Variants in ZNF804B observed in about 807,000 individuals in gnomAD.
The protein encoded by ZNF804B is zinc finger protein 804B.
In ZNF804B, 80 loss-of-function variants were observed where a neutral mutation model predicts 101.4. The observed-to-expected ratio is 0.79, with a 90% CI of 0.66 to 0.95. The LOEUF is 0.95. ZNF804B is among the 40% of genes least tolerant of loss of function. The pLI is 0.00. For missense variants in ZNF804B, 1,673 were observed against 1,561.9 expected, an observed-to-expected ratio of 1.07 and a Z score of -1.20; for synonymous variants, 622 against 558.8, an observed-to-expected ratio of 1.11 and a Z score of -1.59.
intron 1 of ZNF804B, among the ~76,000 whole-genome samples, chr7:88,811,277 T>G (rs192274398): frequency 1.0e-3 from 158 of 152,248 alleles, no homozygotes; most frequent in African/African-American, 3.6e-3. Context: ...ATCACTGATC[T>G]TTAGAGAAAA....
chr7:89,136,777 G>A (rs1356321107), intron 1 of ZNF804B, among the ~76,000 whole-genome samples: 1 of 151,770 alleles, frequency 6.6e-6, no homozygotes, highest in Non-Finnish European at 1.5e-5. Flanking sequence ...GCGCACGTGT[G>A]TGATGATTTG....
At chr7:88,790,935 T>A (rs1790370966) in intron 1 of ZNF804B, among the ~76,000 whole-genome samples, 1 of 152,128 alleles carries the variant, frequency 6.6e-6, no homozygotes, top group South Asian at 2.1e-4. Context: ...TGAGTCCAAT[T>A]TAAAGACATT....
chr7:89,218,027 T>C, intron 1 of ZNF804B, 128 bp from the exon 2 acceptor site: 1 of 884,392 alleles, frequency 1.1e-6, no homozygotes, highest in Non-Finnish European at 1.7e-6. Context: ...TCTCACAGTG[T>C]CATGAATTCC....
intron 1 of ZNF804B, among the ~76,000 whole-genome samples, chr7:89,070,791 C>T (rs998244841): frequency 2.0e-5 from 3 of 151,882 alleles, no homozygotes; most frequent in Admixed American, 6.6e-5. Flanking sequence ...TTTTTTTTCT[C>T]GAACTCAAGG....
intron 1 of ZNF804B, among the ~76,000 whole-genome samples, chr7:89,003,262 A>G (rs1242641739): frequency 6.6e-6 from 1 of 152,022 alleles, no homozygotes; most frequent in African/African-American, 2.4e-5. Flanking sequence ...AGACAGTGCC[A>G]TAGTGAAATA....
intron 1 of ZNF804B, among the ~76,000 whole-genome samples, chr7:89,129,748 G>A (rs1790519671): frequency 6.6e-6 from 1 of 151,968 alleles, no homozygotes; most frequent in Non-Finnish European, 1.5e-5. Context: ...TGGTTATTAA[G>A]CAGTCTGCTA....
intron 2 of ZNF804B, among the ~76,000 whole-genome samples, chr7:89,300,455 A>C (rs1050746666): frequency 6.6e-6 from 1 of 151,752 alleles, no homozygotes; most frequent in Admixed American, 6.6e-5. Flanking sequence ...GTAGAGGAAA[A>C]AGTTAGAGCT....
chr7:89,326,405 GTAT>G (rs1408133288), intron 2 of ZNF804B, among the ~76,000 whole-genome samples: 1 of 152,048 alleles, frequency 6.6e-6, no homozygotes, highest in Non-Finnish European at 1.5e-5. Flanking sequence ...GTCGGCTCCA[GTAT>G]TATTACGTCA....
At chr7:88,789,585 A>ATG (rs1790349307) in intron 1 of ZNF804B, among the ~76,000 whole-genome samples, 1 of 152,136 alleles carries the variant, frequency 6.6e-6, no homozygotes, top group South Asian at 2.1e-4. Flanking sequence ...CTTAAAATCT[A>ATG]TGCACTGTTT....
At chr7:88,877,104 G>T (rs1562820539) in intron 1 of ZNF804B, among the ~76,000 whole-genome samples, 1 of 112,612 alleles carries the variant, frequency 8.9e-6, no homozygotes, top group East Asian at 2.8e-4. Context: ...CTGTCACCCA[G>T]GCTGGAGTGC....
chr7:89,043,458 A>ATTATAACAAAATTATAAT (rs1789049886), intron 1 of ZNF804B, among the ~76,000 whole-genome samples: 1 of 152,180 alleles, frequency 6.6e-6, no homozygotes, highest in Non-Finnish European at 1.5e-5. Context: ...AATTTTTGTG[A>ATTATAACAAAATTATAAT]GTTATAACAA....
chr7:88,897,082 CT>C (rs1792301547), intron 1 of ZNF804B, among the ~76,000 whole-genome samples: 1 of 152,150 alleles, frequency 6.6e-6, no homozygotes, highest in East Asian at 1.9e-4. Flanking sequence ...TGTACATAAA[CT>C]GCGATAGACT....
intron 1 of ZNF804B, among the ~76,000 whole-genome samples, chr7:88,830,266 C>T (rs1791111682): frequency 1.3e-5 from 2 of 152,078 alleles, no homozygotes; most frequent in Non-Finnish European, 2.9e-5. Context: ...AGCCAGAGTA[C>T]AAAGCAGTCC....
At chr7:88,853,213 C>G (rs903962237) in intron 1 of ZNF804B, among the ~76,000 whole-genome samples, 1 of 152,266 alleles carries the variant, frequency 6.6e-6, no homozygotes, top group South Asian at 2.1e-4. Context: ...GTCAGTCTTT[C>G]ATCAGTCAGA....
chr7:88,899,544 C>A (rs929581911), intron 1 of ZNF804B, among the ~76,000 whole-genome samples: 1 of 152,174 alleles, frequency 6.6e-6, no homozygotes, highest in African/African-American at 2.4e-5. Context: ...CAGCTCCTAG[C>A]CAATCATCTT....
At chr7:88,834,137 T>C (rs1446018642) in intron 1 of ZNF804B, among the ~76,000 whole-genome samples, 1 of 151,808 alleles carries the variant, frequency 6.6e-6, no homozygotes, top group Non-Finnish European at 1.5e-5. Flanking sequence ...GAAATTAAAG[T>C]TACCTTGAGA....
intron 2 of ZNF804B, among the ~76,000 whole-genome samples, chr7:89,244,442 A>G (rs369207323): frequency 2.3e-4 from 35 of 151,882 alleles, no homozygotes; most frequent in Middle Eastern, 3.4e-3. Flanking sequence ...CTTTTCAGAT[A>G]TGTTTTGCTA....
intron 1 of ZNF804B, among the ~76,000 whole-genome samples, chr7:89,190,659 G>A (rs1788442269): frequency 6.6e-6 from 1 of 152,054 alleles, no homozygotes; most frequent in African/African-American, 2.4e-5. Context: ...ATGCTCCAGA[G>A]GAACTTTTCA....
At chr7:88,991,509 G>T (rs1452231878) in intron 1 of ZNF804B, among the ~76,000 whole-genome samples, 1 of 152,144 alleles carries the variant, frequency 6.6e-6, no homozygotes. Flanking sequence ...ACCTGGCTTT[G>T]CCCCAGCAGC....
Sources: allele counts gnomAD v4.1 joint callset (sites outside exome capture counted in the v4.1 genomes callset), GRCh38; gene constraint gnomAD v4.1.1; transcripts MANE v1.5; gene names NCBI Gene and HGNC (gene_info 2026-07-23, HGNC 2026-07-21).